ADAMTS19: variants seen among roughly 807,000 people sequenced by gnomAD.
The protein encoded by ADAMTS19 is A disintegrin and metalloproteinase with thrombospondin motifs 19.
In ADAMTS19, 93 loss-of-function variants were observed where a neutral mutation model predicts 153.3. The ratio of observed to expected loss-of-function variants is 0.61; its 90% CI spans 0.51 to 0.72. ADAMTS19 has a LOEUF of 0.72. Ranked by LOEUF, ADAMTS19 falls within the 30% of genes least tolerant of loss-of-function variation. ADAMTS19 has a pLI of 0.00. For synonymous variants in ADAMTS19, 600 were observed against 556.6 expected (o/e 1.08, Z -1.10); for missense variants, 1,482 against 1,552.1 (o/e 0.95, Z 0.76).
At chr5:129,675,576 A>G (rs1273067072) in intron 16 of ADAMTS19, among the ~76,000 whole-genome samples, 1 of 152,084 alleles carries the variant, frequency 6.6e-6, no homozygotes, top group Non-Finnish European at 1.5e-5. Context: ...ATATTTTTCT[A>G]TTCTGTGACT....
At chr5:129,594,607 AT>A (rs1390785926) in intron 7 of ADAMTS19, among the ~76,000 whole-genome samples, 3 of 151,858 alleles carry the variant, frequency 2.0e-5, no homozygotes, top group African/African-American at 7.3e-5. Flanking sequence ...GCCTTCTTCC[AT>A]TTGATTATAA....
chr5:129,727,829 A>G (rs1464614896), intron 21 of ADAMTS19, among the ~76,000 whole-genome samples: 1 of 152,180 alleles, frequency 6.6e-6, no homozygotes, highest in Admixed American at 6.5e-5. Flanking sequence ...AACTTTCAGA[A>G]GTAGTACTGT....
chr5:129,563,284 GA>G (rs918266035), intron 7 of ADAMTS19, among the ~76,000 whole-genome samples: 6 of 151,698 alleles, frequency 4.0e-5, no homozygotes, highest in Non-Finnish European at 7.4e-5. Context: ...AGCAATTATT[GA>G]GGTCATCTTT....
intron 18 of ADAMTS19, among the ~76,000 whole-genome samples, chr5:129,690,441 G>A (rs902730756): frequency 8.5e-5 from 13 of 152,148 alleles, no homozygotes; most frequent in Non-Finnish European, 1.9e-4. Context: ...TGACAGCTAT[G>A]TGATCTCATT....
chr5:129,568,295 G>T (rs1323812299), intron 7 of ADAMTS19, among the ~76,000 whole-genome samples: 3 of 152,056 alleles, frequency 2.0e-5, no homozygotes, highest in Non-Finnish European at 4.4e-5. Flanking sequence ...AGCAAAAATT[G>T]TAACATTGTC....
At chr5:129,469,224 A>G (rs1051601006) in intron 2 of ADAMTS19, among the ~76,000 whole-genome samples, 1 of 152,180 alleles carries the variant, frequency 6.6e-6, no homozygotes, top group Non-Finnish European at 1.5e-5. Context: ...AATAATCTGT[A>G]ATTTTACCAT....
chr5:129,471,411 G>A (rs1750061085), intron 2 of ADAMTS19, among the ~76,000 whole-genome samples: 2 of 148,268 alleles, frequency 1.3e-5, no homozygotes, highest in Admixed American at 1.4e-4. Flanking sequence ...AGGGAGGGAA[G>A]GAGGTAGGGA....
At chr5:129,467,669 A>T (rs1195901332) in intron 2 of ADAMTS19, among the ~76,000 whole-genome samples, 1 of 152,214 alleles carries the variant, frequency 6.6e-6, no homozygotes, top group African/African-American at 2.4e-5. Flanking sequence ...AGGAAGAGTC[A>T]TTTAAAATCC....
chr5:129,530,602 G>T (rs542035834), intron 6 of ADAMTS19, among the ~76,000 whole-genome samples: 42 of 152,176 alleles, frequency 2.8e-4, no homozygotes, highest in East Asian at 1.7e-3. Context: ...GTAAAATAAA[G>T]AAATCCTATC....
In ADAMTS19 at chr5:129,648,799, C is replaced by T; in HGVS notation, c.2005C>T (p.Leu669=). The T allele has an allele frequency of 6.2e-7, 1 of 1,611,790 alleles. No individual in the cohort carries two copies. Among genetic ancestry groups the T allele is most frequent in the Non-Finnish European group, 8.5e-7 (1 of 1,179,216 alleles). The change falls in exon 13 of 23, where the codon CTA becomes TTA. Residue 669 remains leucine (L), a splice_region_variant and synonymous_variant. Transcript: ENST00000274487. ...GATTATTTGTACTTTCTTTTCTAGG[C>T]TAGATTCTGAAGCAAGGGATTGTAA... is the stretch of plus-strand genomic sequence containing the variant. ...ISSRERKCPG[L]DSEARDCNGP...
At chr5:129,546,024 G>A (rs1752841625) in intron 6 of ADAMTS19, among the ~76,000 whole-genome samples, 1 of 148,796 alleles carries the variant, frequency 6.7e-6, no homozygotes. Flanking sequence ...AAGAGAATGT[G>A]GCACATATAC....
At chr5:129,703,046 A>G (rs539177292) in intron 20 of ADAMTS19, among the ~76,000 whole-genome samples, 1 of 149,222 alleles carries the variant, frequency 6.7e-6, no homozygotes, top group East Asian at 2.0e-4. Context: ...TCAAATACAA[A>G]CTTTAAGTTA....
intron 22 of ADAMTS19, among the ~76,000 whole-genome samples, chr5:129,735,926 T>C (rs1431346778): frequency 1.3e-5 from 2 of 151,980 alleles, no homozygotes; most frequent in Non-Finnish European, 1.5e-5. Flanking sequence ...AGGGGAACAA[T>C]TGGAATCATA....
intron 2 of ADAMTS19, among the ~76,000 whole-genome samples, chr5:129,484,184 G>T (rs1330642044): frequency 1.3e-5 from 2 of 151,876 alleles, no homozygotes; most frequent in African/African-American, 4.8e-5. Context: ...TTTAAATGCT[G>T]TACCCAGATC....
chr5:129,563,926 CTT>C (rs767368140), intron 7 of ADAMTS19, among the ~76,000 whole-genome samples: 3 of 148,838 alleles, frequency 2.0e-5, no homozygotes, highest in East Asian at 2.0e-4. Context: ...CCAGGTGAAA[CTT>C]TTTTTTTTTG....
At chr5:129,640,826 T>C (rs1752754471) in intron 10 of ADAMTS19, among the ~76,000 whole-genome samples, 1 of 149,860 alleles carries the variant, frequency 6.7e-6, no homozygotes, top group African/African-American at 2.4e-5. Flanking sequence ...CTCAACTTAC[T>C]TTTTTTTTTC....
intron 6 of ADAMTS19, among the ~76,000 whole-genome samples, chr5:129,539,168 A>G (rs1162091414): frequency 6.6e-6 from 1 of 152,080 alleles, no homozygotes; most frequent in African/African-American, 2.4e-5. Context: ...TGAATATGCC[A>G]TCTTACATGG....
rs147742745 is a variant in ADAMTS19 at position 129,712,704 on chromosome 5, G to C, written c.3312+8313G>C. On this transcript the variant is annotated intron_variant, in intron 21 of 22. Transcript: ENST00000274487. ...TGTTTGGATTGCTGAAAACAGTCAA[G>C]TACATTGGCTGATATGATCGATCAG... 2.3e-3 allele frequency among the ~76,000 whole-genome samples: 354 copies of C among 152,060 alleles called. 2 individuals carry two copies. The highest frequency in any genetic ancestry group is 8.1e-3 in the African/African-American group (337 of 41,490).
At chr5:129,513,786 A>G (rs1751510995) in intron 3 of ADAMTS19, among the ~76,000 whole-genome samples, 2 of 152,218 alleles carry the variant, frequency 1.3e-5, no homozygotes, top group South Asian at 4.1e-4. Flanking sequence ...TGAGATACAA[A>G]TAATCTAATT....
Sources: allele counts gnomAD v4.1 joint callset (sites outside exome capture counted in the v4.1 genomes callset), GRCh38; gene constraint gnomAD v4.1.1; transcripts MANE v1.5; gene names NCBI Gene and HGNC (gene_info 2026-07-23, HGNC 2026-07-21).